Variants in ZNF804B observed in about 807,000 individuals in gnomAD.
The protein encoded by ZNF804B is zinc finger 804B.
Under a neutral mutation model 101.4 loss-of-function variants are expected in ZNF804B, and 80 were observed. That is an observed-to-expected ratio of 0.79 (90% CI 0.66 to 0.95). The LOEUF is 0.95. Ranked by LOEUF, ZNF804B falls within the 40% of genes least tolerant of loss-of-function variation. The pLI, the probability that ZNF804B is intolerant of heterozygous loss-of-function variation, is 0.00. For synonymous variants in ZNF804B, 622 were observed against 558.8 expected (o/e 1.11, Z -1.59); for missense variants, 1,673 against 1,561.9 (o/e 1.07, Z -1.20).
intron 1 of ZNF804B, among the ~76,000 whole-genome samples, chr7:88,777,544 A>G (rs1418076230): frequency 6.6e-6 from 1 of 152,162 alleles, no homozygotes; most frequent in African/African-American, 2.4e-5. Flanking sequence ...ACCATTTAAT[A>G]TAAGATTGCA....
Position 89,213,496 on chromosome 7 carries a change from A to G in ZNF804B, c.109-4659A>G, listed in dbSNP as rs145588498. Among the ~76,000 whole-genome samples, 916 of 152,344 alleles carry G rather than the reference A, an allele frequency of 6.0e-3. 4 individuals are homozygous for G. The highest frequency in any genetic ancestry group is 0.021 in the African/African-American group (873 of 41,572). ...TCCCTTTCTTTTCCATAATCAGAGC[A>G]CATATTCACAACCAATGCAACAAGA... is the stretch of plus-strand genomic sequence containing the variant. On this transcript the variant is annotated intron_variant, in intron 1 of 3. Coordinates refer to ENST00000333190, the MANE Select transcript of ZNF804B (RefSeq NM_181646.5).
intron 1 of ZNF804B, among the ~76,000 whole-genome samples, chr7:89,034,987 A>G (rs962865583): frequency 6.6e-6 from 1 of 152,190 alleles, no homozygotes; most frequent in African/African-American, 2.4e-5. Flanking sequence ...AGGAAACTGC[A>G]GTGTGAATTT....
chr7:89,060,688 C>G (rs1477428123), intron 1 of ZNF804B, among the ~76,000 whole-genome samples: 1 of 152,126 alleles, frequency 6.6e-6, no homozygotes, highest in East Asian at 1.9e-4. Context: ...ATCTTTGCAT[C>G]ATTTCCAGTA....
chr7:88,894,520 C>T lies in ZNF804B; in HGVS notation c.108+134436C>T, dbSNP rs553092457. 1.9e-3 allele frequency among the ~76,000 whole-genome samples: 288 copies of T among 152,072 alleles called. 2 individuals are homozygous for T. The highest frequency in any genetic ancestry group is 6.0e-3 in the African/African-American group (248 of 41,484). ...AGCCACCGCCCCTGGCCCAATCATA[C>T]GCTATTAATAGCATATTTTAGATTG... On this transcript the variant is annotated intron_variant, in intron 1 of 3. Coordinates refer to ENST00000333190, the MANE Select transcript of ZNF804B (RefSeq NM_181646.5).
intron 1 of ZNF804B, among the ~76,000 whole-genome samples, chr7:89,192,148 G>A (rs529541536): frequency 4.5e-4 from 68 of 152,146 alleles, no homozygotes; most frequent in Middle Eastern, 6.8e-3. Flanking sequence ...CATATTTAAA[G>A]TGCACAGTTT....
chr7:89,042,521 A>T (rs940528630), intron 1 of ZNF804B, among the ~76,000 whole-genome samples: 3 of 152,198 alleles, frequency 2.0e-5, no homozygotes, highest in African/African-American at 7.2e-5. Flanking sequence ...TACTGAGTCA[A>T]ATTTAAAGGC....
intron 1 of ZNF804B, among the ~76,000 whole-genome samples, chr7:89,091,173 T>G (rs1438257835): frequency 6.6e-6 from 1 of 151,918 alleles, no homozygotes; most frequent in Non-Finnish European, 1.5e-5. Flanking sequence ...TATCTAAAAA[T>G]TCATGAGTTT....
intron 1 of ZNF804B, among the ~76,000 whole-genome samples, chr7:88,771,160 G>C (rs999710654): frequency 6.6e-6 from 1 of 151,934 alleles, no homozygotes; most frequent in African/African-American, 2.4e-5. Flanking sequence ...TCATTTTAAG[G>C]GGATATTTTA....
In ZNF804B at chr7:88,807,285, TTAA is replaced by T. The variant is rs1240374611; in HGVS notation, c.108+47208_108+47210del. Among the ~76,000 whole-genome samples, 14 of 152,246 alleles carry T rather than the reference TTAA, an allele frequency of 9.2e-5. 1 individual carries two copies. The highest frequency in any genetic ancestry group is 2.2e-4 in the African/African-American group (9 of 41,552). ...TACTATTTAATAGTTAAGCATTTTT[TTAA>T]TAATAAGATATAAAGGTGAACAATA... On this transcript the variant is annotated intron_variant, in intron 1 of 3. Coordinates refer to ENST00000333190, the MANE Select transcript of ZNF804B (RefSeq NM_181646.5).
intron 1 of ZNF804B, among the ~76,000 whole-genome samples, chr7:89,066,739 TCTTTTG>T (rs1325574505): frequency 1.3e-5 from 2 of 151,378 alleles, no homozygotes; most frequent in Non-Finnish European, 2.9e-5. Context: ...AATATTACAT[TCTTTTG>T]CTTGTTTATT....
chr7:89,326,875 T>C (rs1225333533), intron 2 of ZNF804B, among the ~76,000 whole-genome samples: 1 of 152,028 alleles, frequency 6.6e-6, no homozygotes, highest in East Asian at 1.9e-4. Flanking sequence ...CATTTAGAGC[T>C]TTGAACCAAA....
intron 2 of ZNF804B, among the ~76,000 whole-genome samples, chr7:89,271,881 T>A (rs1181827308): frequency 6.6e-5 from 10 of 152,274 alleles, no homozygotes; most frequent in African/African-American, 2.4e-4. Flanking sequence ...TATTCTCTAA[T>A]GGTAGTTTGT....
At chr7:89,003,217 C>T (rs1335595430) in intron 1 of ZNF804B, among the ~76,000 whole-genome samples, 1 of 151,870 alleles carries the variant, frequency 6.6e-6, no homozygotes, top group East Asian at 1.9e-4. Context: ...TCATCAGCTT[C>T]TTTAGGAGGC....
rs1792752251 is a variant in ZNF804B, at chr7:88,923,377, A to G, written c.108+163293A>G. 2.0e-5 allele frequency among the ~76,000 whole-genome samples: 3 copies of G among 152,124 alleles called. No individual in the cohort carries two copies. The South Asian group carries it at 6.2e-4, about 31-fold the overall frequency. ...TTCACTTAAAAATTAAATTCAGGTC[A>G]CTTCTGGACAATTGTCTTCTAATTT... On this transcript the variant is annotated intron_variant, in intron 1 of 3. Transcript: ENST00000333190.
intron 1 of ZNF804B, among the ~76,000 whole-genome samples, chr7:89,096,581 C>A (rs1265289438): frequency 6.6e-6 from 1 of 152,134 alleles, no homozygotes; most frequent in African/African-American, 2.4e-5. Context: ...CACGTTATTA[C>A]TTGGATAGAT....
chr7:89,077,498 C>T (rs73391240), intron 1 of ZNF804B, among the ~76,000 whole-genome samples: 3,487 of 152,056 alleles, frequency 0.023, 157 homozygotes, highest in African/African-American at 0.079. Flanking sequence ...GATAATTTAA[C>T]GAGATCGTTT....
chr7:89,019,763 GTTTTAGTATAGCTACT>G (rs1370873938), intron 1 of ZNF804B, among the ~76,000 whole-genome samples: 2 of 152,010 alleles, frequency 1.3e-5, no homozygotes, highest in African/African-American at 4.8e-5. Context: ...GACTTAGTCT[GTTTTAGTATAGCTACT>G]TTTGCTCTTC....
chr7:88,890,519 A>C (rs1792200535), intron 1 of ZNF804B, among the ~76,000 whole-genome samples: 1 of 152,164 alleles, frequency 6.6e-6, no homozygotes, highest in African/African-American at 2.4e-5. Flanking sequence ...TTGTTGCTCC[A>C]CATTTTTACC....
At chr7:88,781,383 C>A (rs1179125146) in intron 1 of ZNF804B, among the ~76,000 whole-genome samples, 1 of 152,106 alleles carries the variant, frequency 6.6e-6, no homozygotes, top group Admixed American at 6.6e-5. Context: ...CTTGCTAAAA[C>A]ATGTTCTAGA....
Sources: gnomAD v4.1 joint callset for allele counts (sites outside exome capture counted in the v4.1 genomes callset) on GRCh38, gnomAD v4.1.1 for gene constraint, MANE v1.5 for transcripts, NCBI Gene and HGNC (gene_info 2026-07-23, HGNC 2026-07-21) for gene names.